TCF4: variants seen among roughly 807,000 people sequenced by gnomAD.
The protein encoded by TCF4 is transcription factor 4.
Under a neutral mutation model 82.1 loss-of-function variants are expected in TCF4, and 3 were observed. That is an observed-to-expected ratio of 0.04 (90% confidence interval 0.02 to 0.09). The LOEUF is 0.09. TCF4 is among the 10% of genes least tolerant of loss of function. The pLI is 1.00. For synonymous variants in TCF4, 276 were observed against 309.6 expected, an observed-to-expected ratio of 0.89 and a Z score of 1.14; for missense variants, 518 against 852.7, an observed-to-expected ratio of 0.61 and a Z score of 4.89.
rs372298235 is a variant in TCF4, at chr18:55,528,414, T to C, written c.145+56866A>G. ...GTGCATAACCCAGAAGTCTCTATAA[T>C]ATACTGTGGATATGTACAGCCTTAC... is the stretch of plus-strand genomic sequence containing the variant. On this transcript the variant is annotated intron_variant, in intron 3 of 19. Coordinates refer to ENST00000354452, the MANE Select transcript of TCF4 (RefSeq NM_001083962.2). Among the ~76,000 whole-genome samples, 7 of 152,220 alleles carry C rather than the reference T, an allele frequency of 4.6e-5. No individual in the cohort carries two copies. The South Asian group carries it at 1.5e-3, about 32-fold the overall frequency.
chr18:55,275,875 G>T, intron 9 of TCF4, 123 bp from the exon 10 acceptor site: 1 of 1,211,538 alleles, frequency 8.3e-7, no homozygotes, highest in Non-Finnish European at 1.2e-6. Flanking sequence ...TTGGTTAGCT[G>T]ATTACATCAG....
intron 5 of TCF4, among the ~76,000 whole-genome samples, chr18:55,458,458 C>T (rs1276267412): frequency 6.6e-6 from 1 of 152,220 alleles, no homozygotes; most frequent in Non-Finnish European, 1.5e-5. Flanking sequence ...AGCATATATG[C>T]TATGAGTTCA....
intron 14 of TCF4, among the ~76,000 whole-genome samples, chr18:55,255,952 T>G (rs1250713399): frequency 6.6e-6 from 1 of 152,206 alleles, no homozygotes; most frequent in Non-Finnish European, 1.5e-5. Flanking sequence ...TATAGTAGTC[T>G]ATGGTACAGA....
At position 55,305,174 on chromosome 18, in the gene TCF4, C is replaced by T. The variant is rs574601837; in HGVS notation, c.550-25518G>A. Among the ~76,000 whole-genome samples the T allele has an allele frequency of 8.5e-5, 13 of 152,268 alleles. No individual in the cohort carries two copies. The South Asian group carries it at 2.1e-3, about 24-fold the overall frequency. On this transcript the variant is annotated intron_variant, in intron 8 of 19. Coordinates refer to ENST00000354452, the MANE Select transcript of TCF4 (RefSeq NM_001083962.2). Reference sequence around the variant, plus strand: ...AAATGGAATTGTCGTCTTCCTCCCGCTATCATCCCCAATTATTACATCCTA... The same window carrying T: ...AAATGGAATTGTCGTCTTCCTCCCGTTATCATCCCCAATTATTACATCCTA...
At chr18:55,569,868 C>T (rs778764551) in intron 3 of TCF4, among the ~76,000 whole-genome samples, 50 of 152,074 alleles carry the variant, frequency 3.3e-4, no homozygotes, top group Non-Finnish European at 5.6e-4. Flanking sequence ...AATAAAAATG[C>T]CTCAAAGGGT....
chr18:55,564,114 T>C (rs904708941), intron 3 of TCF4, among the ~76,000 whole-genome samples: 1 of 152,224 alleles, frequency 6.6e-6, no homozygotes, highest in Non-Finnish European at 1.5e-5. Flanking sequence ...GAGCTCTGAA[T>C]GGAATCAGCC....
At chr18:55,599,433 G>C (rs1210920020) in intron 2 of TCF4, among the ~76,000 whole-genome samples, 1 of 152,152 alleles carries the variant, frequency 6.6e-6, no homozygotes, top group East Asian at 1.9e-4. Flanking sequence ...AAAAAAGAAA[G>C]CTGCAGACTG....
chr18:55,546,920 G>GT (rs1313358754), intron 3 of TCF4: 4 of 152,232 alleles, frequency 2.6e-5, no homozygotes, highest in Non-Finnish European at 5.9e-5. Flanking sequence ...ATCAATCAGA[G>GT]TAAGTGAAGG....
intron 3 of TCF4, among the ~76,000 whole-genome samples, chr18:55,490,209 G>C (rs959164369): frequency 2.0e-5 from 3 of 152,144 alleles, no homozygotes; most frequent in Non-Finnish European, 4.4e-5. Flanking sequence ...GTCAAAATGG[G>C]ATTTCTGCGG....
At chr18:55,399,180 T>C (rs761577174) in intron 6 of TCF4, among the ~76,000 whole-genome samples, 1 of 152,204 alleles carries the variant, frequency 6.6e-6, no homozygotes, top group Non-Finnish European at 1.5e-5. Context: ...GTAATACCTA[T>C]TGAATCAAAA....
intron 3 of TCF4, among the ~76,000 whole-genome samples, chr18:55,523,520 T>G (rs1169698330): frequency 2.0e-5 from 3 of 152,034 alleles, no homozygotes; most frequent in African/African-American, 4.8e-5. Flanking sequence ...TATTTTAAAT[T>G]GTATGTATAT....
chr18:55,609,073 C>T (rs569297120), intron 2 of TCF4, among the ~76,000 whole-genome samples: 2 of 152,166 alleles, frequency 1.3e-5, no homozygotes, highest in Non-Finnish European at 2.9e-5. Context: ...AAGACAGCCA[C>T]CTGCAAACCA....
At position 55,269,944 on chromosome 18, in the gene TCF4, G is replaced by A; in HGVS notation, c.809C>T (p.Ser270Leu). Reference protein sequence around the residue: ...HERLSYPSHSSADINSSLPPM... With the variant: ...HERLSYPSHSLADINSSLPPM... ...AGGAAGACTGGAATTGATGTCTGCT[G>A]AGGAGTGTGATGGATAGCTCTATAG... is the stretch of plus-strand genomic sequence containing the variant. Residue 270 changes from serine to leucine, a missense_variant, in exon 11 of 20, where the codon TCA (serine) becomes TTA (leucine). Around this residue, in one of 7 missense-constraint regions of TCF4, gnomAD observed 211 missense variants for 327.4 expected, o/e 0.64. Transcript: ENST00000354452. 1.2e-6 allele frequency: 2 copies of A among 1,613,318 alleles called. No homozygotes were observed. The highest frequency in any genetic ancestry group is 1.7e-6 in the Non-Finnish European group (2 of 1,179,422).
rs1568265260 is a variant in TCF4, at chr18:55,224,751, C to T, written c.*3284G>A. ...GACAGTTGTATAAACATTAGTGTTC[C>T]TTGCAGCTACACAGAAGACAAATGG... On this transcript the variant is annotated 3_prime_UTR_variant, in exon 20 of 20. Transcript: ENST00000354452. The T allele has an allele frequency of 6.6e-6, 1 of 152,492 alleles. No individual in the cohort carries two copies. The highest frequency in any genetic ancestry group is 1.5e-5 in the Non-Finnish European group (1 of 68,000). The allele number at this position is 152,492 out of a possible 1,614,324, so 9.4% of individuals were successfully genotyped here.
At chr18:55,428,948 C>G (rs2147110332) in intron 5 of TCF4, among the ~76,000 whole-genome samples, 1 of 150,956 alleles carries the variant, frequency 6.6e-6, no homozygotes, top group Non-Finnish European at 1.5e-5. Flanking sequence ...CTTAATAGAG[C>G]AAAACAGACA....
chr18:55,621,531 A>ATG (rs1491223994), intron 2 of TCF4, among the ~76,000 whole-genome samples: 2 of 23,854 alleles, frequency 8.4e-5, no homozygotes, highest in Admixed American at 7.6e-4. Context: ...ATATTATATA[A>ATG]TATATATATT....
intron 8 of TCF4, among the ~76,000 whole-genome samples, chr18:55,327,296 T>C (rs2076728702): frequency 6.6e-6 from 1 of 152,106 alleles, no homozygotes; most frequent in South Asian, 2.1e-4. Context: ...AAATCCATAT[T>C]ACACCAAGAA....
At chr18:55,567,680 T>C (rs181750701) in intron 3 of TCF4, among the ~76,000 whole-genome samples, 262 of 151,492 alleles carry the variant, frequency 1.7e-3, no homozygotes, top group Non-Finnish European at 3.3e-3. Flanking sequence ...GCCACTGCAC[T>C]CCAGCCTGGG....
At chr18:55,586,264 T>G in intron 2 of TCF4, 1 of 921,548 alleles carries the variant, frequency 1.1e-6, no homozygotes, top group South Asian at 1.4e-5. Flanking sequence ...GTTTGGATTT[T>G]ATTTGTGTGT....
Sources: allele counts gnomAD v4.1 joint callset (sites outside exome capture counted in the v4.1 genomes callset), GRCh38; gene constraint gnomAD v4.1.1; regional missense constraint gnomAD v4.1.1; transcripts MANE v1.5; gene names NCBI Gene and HGNC (gene_info 2026-07-23, HGNC 2026-07-21).